SLC5A4: variants seen among roughly 807,000 people sequenced by gnomAD.
SLC5A4 encodes the protein solute carrier family 5 member 4.
Under a neutral mutation model 70.3 loss-of-function variants are expected in SLC5A4, and 55 were observed. That is an observed-to-expected ratio of 0.78 (90% CI 0.63 to 0.98). The LOEUF is 0.98. SLC5A4 is among the 50% of genes least tolerant of loss of function. SLC5A4 has a pLI of 0.00. For missense variants in SLC5A4, 735 were observed against 839.2 expected (o/e 0.88, Z 1.53); for synonymous variants, 268 against 305.7 (o/e 0.88, Z 1.29).
chr22:32,280,870 C>A, the SLC5A4 span, among the ~76,000 whole-genome samples: 1 of 152,074 alleles, frequency 6.6e-6, no homozygotes, highest in African/African-American at 2.4e-5. Context: ...AAGCTTAGGG[C>A]AAACACAGAT....
chr22:32,272,613 G>T, the SLC5A4 span: 1 of 607,798 alleles, frequency 1.6e-6, no homozygotes, highest in South Asian at 1.9e-5. Context: ...TCTGGTGTCT[G>T]ACCACGACTG....
chr22:32,257,441 A>T (rs5998341), upstream of SLC5A4, among the ~76,000 whole-genome samples: 1 of 151,870 alleles, frequency 6.6e-6, no homozygotes, highest in Non-Finnish European at 1.5e-5. Context: ...TGCAGCCTCA[A>T]CCTCCTGGGC....
chr22:32,313,171 T>C, the SLC5A4 span, among the ~76,000 whole-genome samples: 1 of 152,176 alleles, frequency 6.6e-6, no homozygotes, highest in Non-Finnish European at 1.5e-5. Flanking sequence ...GGAGAGTGCA[T>C]ACATAGAGGT....
chr22:32,345,243 TAAC>T, the SLC5A4 span, among the ~76,000 whole-genome samples: 283 of 152,302 alleles, frequency 1.9e-3, no homozygotes, highest in Middle Eastern at 6.8e-3. Flanking sequence ...TTTAGAAATG[TAAC>T]ATTATTAAAG....
upstream of SLC5A4, among the ~76,000 whole-genome samples, chr22:32,255,675 T>A (rs1927445089): frequency 6.6e-6 from 1 of 152,098 alleles, no homozygotes; most frequent in Non-Finnish European, 1.5e-5. Flanking sequence ...AAGGACAGAC[T>A]AGAAGGTACC....
chr22:32,290,971 C>G, the SLC5A4 span, among the ~76,000 whole-genome samples: 1 of 152,112 alleles, frequency 6.6e-6, no homozygotes. Flanking sequence ...CCATTTCAGC[C>G]TCTTTTTTAT....
At chr22:32,338,133 A>G in the SLC5A4 span, among the ~76,000 whole-genome samples, 1 of 152,176 alleles carries the variant, frequency 6.6e-6, no homozygotes, top group Admixed American at 6.5e-5. Flanking sequence ...GTTTTCTACA[A>G]ATTTGACTTG....
chr22:32,344,307 G>A, the SLC5A4 span, among the ~76,000 whole-genome samples: 4 of 152,140 alleles, frequency 2.6e-5, no homozygotes, highest in Non-Finnish European at 5.9e-5. Context: ...TAGCATTACT[G>A]TAGACACACA....
the SLC5A4 span, among the ~76,000 whole-genome samples, chr22:32,340,408 C>G: frequency 6.6e-6 from 1 of 152,168 alleles, no homozygotes; most frequent in African/African-American, 2.4e-5. Flanking sequence ...GTTCTATATG[C>G]TGGGGTCACA....
At chr22:32,338,392 T>C in the SLC5A4 span, among the ~76,000 whole-genome samples, 4 of 143,656 alleles carry the variant, frequency 2.8e-5, no homozygotes, top group African/African-American at 5.2e-5. Context: ...CTCACGCCTG[T>C]AGTTCTAGCA....
chr22:32,349,930 C>T, the SLC5A4 span, among the ~76,000 whole-genome samples: 1 of 152,282 alleles, frequency 6.6e-6, no homozygotes, highest in African/African-American at 2.4e-5. Flanking sequence ...ATAAATACAC[C>T]TTCTTATCCG....
the SLC5A4 span, among the ~76,000 whole-genome samples, chr22:32,311,290 C>CA: frequency 6.6e-6 from 1 of 152,076 alleles, no homozygotes; most frequent in South Asian, 2.1e-4. Flanking sequence ...AATGGATGGG[C>CA]AGTCAGTGTG....
chr22:32,317,488 G>A, the SLC5A4 span, among the ~76,000 whole-genome samples: 2 of 151,794 alleles, frequency 1.3e-5, no homozygotes, highest in East Asian at 3.8e-4. Flanking sequence ...TTAGAGACAG[G>A]CTCTTGCTCT....
At chr22:32,342,162 G>A in the SLC5A4 span, among the ~76,000 whole-genome samples, 1 of 152,086 alleles carries the variant, frequency 6.6e-6, no homozygotes, top group African/African-American at 2.4e-5. Flanking sequence ...CTACACAAAT[G>A]GCTAATGCTA....
In SLC5A4 at chr22:32,234,989, T is replaced by A; in HGVS notation, c.769A>T (p.Thr257Ser). 1 of 1,613,328 alleles carries A rather than the reference T, an allele frequency of 6.2e-7. No individual in the cohort carries two copies. The highest frequency in any genetic ancestry group is 1.3e-5 in the African/African-American group (1 of 74,406). The part of the protein sequence containing the change: ...DNLTISASCY[T>S]PRADSFHIFR... Reference sequence around the variant, plus strand: ...ATGTGGAAGGAGTCCGCCCGAGGTGTGTAGCAACTGGCACTGATTGTCAAG... The same window carrying A: ...ATGTGGAAGGAGTCCGCCCGAGGTGAGTAGCAACTGGCACTGATTGTCAAG... Residue 257 changes from threonine (T) to serine (S), a missense_variant, in exon 8 of 15, where the codon ACA becomes TCA. Physicochemically the swap from Thr to Ser is moderately conservative, Grantham distance 58. Coordinates refer to ENST00000266086, the MANE Select transcript of SLC5A4 (RefSeq NM_014227.3).
At chr22:32,321,634 G>C in the SLC5A4 span, among the ~76,000 whole-genome samples, 69,112 of 151,958 alleles carry the variant, frequency 0.45, 16,080 homozygotes, top group Middle Eastern at 0.51. Flanking sequence ...CCGCCCTTCA[G>C]TGGGCCCCAG....
rs532869497 is a variant in SLC5A4, at chr22:32,224,278, G to T, written c.1654C>A (p.Pro552Thr). The T allele has an allele frequency of 9.9e-5, 160 of 1,611,192 alleles. 1 individual carries two copies. The South Asian group carries it at 1.7e-3, about 17-fold the overall frequency. Reference sequence around the variant, plus strand: ...TACTCATCACTCACATGTACATCAGGAATGGGTTTTGTTAAGAGGGAAATT... The same window carrying T: ...TACTCATCACTCACATGTACATCAGTAATGGGTTTTGTTAAGAGGGAAATT... Reference protein sequence around the residue: ...LGISLLTKPIPDVHLYRLCWV... With the variant: ...LGISLLTKPITDVHLYRLCWV... The change falls in exon 13 of 15, where the codon CCT becomes ACT. Residue 552 changes from proline to threonine, a missense_variant. Transcript: ENST00000266086.
chr22:32,326,147 T>A, the SLC5A4 span, among the ~76,000 whole-genome samples: 1 of 152,210 alleles, frequency 6.6e-6, no homozygotes, highest in Non-Finnish European at 1.5e-5. Flanking sequence ...AGAGGAGTCA[T>A]GAGGCACAAC....
At chr22:32,307,936 T>A in the SLC5A4 span, among the ~76,000 whole-genome samples, 1 of 68,142 alleles carries the variant, frequency 1.5e-5, no homozygotes, top group Non-Finnish European at 3.0e-5. Flanking sequence ...GATTCTTACA[T>A]GTTTCCAACC....
Sources: gnomAD v4.1 joint callset for allele counts (sites outside exome capture counted in the v4.1 genomes callset) on GRCh38, gnomAD v4.1.1 for gene constraint, MANE v1.5 for transcripts, NCBI Gene and HGNC (gene_info 2026-07-23, HGNC 2026-07-21) for gene names.